Variants in MSI2 observed in about 807,000 individuals in gnomAD.
MSI2 encodes musashi RNA binding protein 2.
MSI2 carries 17 observed loss-of-function variants against 45.6 expected under a neutral mutation model. That is an observed-to-expected ratio of 0.37 (90% CI 0.26 to 0.56). The LOEUF is 0.56. MSI2 is among the 20% of genes least tolerant of loss of function. The probability of loss-of-function intolerance (pLI) is 0.77; values close to 1 mark genes in which losing one functional copy is unlikely to be tolerated. For synonymous variants in MSI2, 156 were observed against 158.2 expected (o/e 0.99, Z 0.11); for missense variants, 293 against 444.2 (o/e 0.66, Z 3.06).
Position 57,497,733 on chromosome 17 carries a change from G to A in MSI2, c.406-31943G>A, listed in dbSNP as rs116259292. The stretch of plus-strand genomic sequence containing the variant: ...TGAAACATGCTTTCTGAAGGAGCAA[G>A]CAGCTTGGGCTGTGCATGTAACAAG... On this transcript the variant is annotated intron_variant, in intron 6 of 13. Transcript: ENST00000284073. Among the ~76,000 whole-genome samples the A allele has an allele frequency of 3.6e-3, 542 of 152,338 alleles. 2 individuals are homozygous for A. Among genetic ancestry groups the A allele is most frequent in the African/African-American group, 0.012 (516 of 41,568 alleles).
chr17:57,448,263 A>T (rs1181132930), intron 6 of MSI2: 1 of 152,222 alleles, frequency 6.6e-6, no homozygotes, highest in Non-Finnish European at 1.5e-5. Context: ...TGCCTGCCTG[A>T]CATGTTTTTC....
At chr17:57,323,055 AGTGATGGGTACCGGGG>A (rs1913478083) in intron 5 of MSI2, among the ~76,000 whole-genome samples, 1 of 151,872 alleles carries the variant, frequency 6.6e-6, no homozygotes, top group Non-Finnish European at 1.5e-5. Context: ...AGTGACCCTG[AGTGATGGGTACCGGGG>A]GTTCATTCTC....
rs563584953 is a variant in MSI2, at chr17:57,507,787, A to G, written c.406-21889A>G. Among the ~76,000 whole-genome samples, 16 of 152,318 alleles carry G rather than the reference A, an allele frequency of 1.1e-4. No individual in the cohort carries two copies. The South Asian group carries it at 3.3e-3, about 32-fold the overall frequency. On this transcript the variant is annotated intron_variant, in intron 6 of 13. Transcript: ENST00000284073. ...TCCACTCCGGTGTATTTGTCTATCA[A>G]ACAACAAGACAGAGGGTGTATTTTT...
At chr17:57,442,129 C>G (rs934653769) in intron 6 of MSI2, among the ~76,000 whole-genome samples, 2 of 151,890 alleles carry the variant, frequency 1.3e-5, no homozygotes, top group African/African-American at 2.4e-5. Flanking sequence ...CTCCACCTCC[C>G]GGGTTCAAGC....
At chr17:57,272,774 G>C (rs1311009875) in intron 5 of MSI2, among the ~76,000 whole-genome samples, 1 of 152,158 alleles carries the variant, frequency 6.6e-6, no homozygotes, top group Non-Finnish European at 1.5e-5. Context: ...CCTCGCCATG[G>C]CATTAGAGTG....
intron 5 of MSI2, among the ~76,000 whole-genome samples, chr17:57,341,083 C>G (rs542296501): frequency 6.6e-6 from 1 of 152,264 alleles, no homozygotes; most frequent in Admixed American, 6.5e-5. Context: ...TGCACCTTTC[C>G]CTAGCCCTCT....
chr17:57,655,255 T>A (rs778501409), intron 11 of MSI2, among the ~76,000 whole-genome samples: 2 of 152,188 alleles, frequency 1.3e-5, no homozygotes, highest in Non-Finnish European at 2.9e-5. Context: ...ACCTGGTAGT[T>A]TGAAATGTCA....
At chr17:57,272,391 C>G (rs1279491456) in intron 5 of MSI2, among the ~76,000 whole-genome samples, 1 of 152,156 alleles carries the variant, frequency 6.6e-6, no homozygotes, top group South Asian at 2.1e-4. Flanking sequence ...TGTTGGAACA[C>G]CAAACCAAGA....
At chr17:57,274,685 A>G (rs997123319) in intron 5 of MSI2, among the ~76,000 whole-genome samples, 2 of 152,262 alleles carry the variant, frequency 1.3e-5, no homozygotes. Flanking sequence ...TTGTGCGTTT[A>G]TGCATATAAA....
At chr17:57,700,420 G>C in the MSI2 span, among the ~76,000 whole-genome samples, 3 of 152,206 alleles carry the variant, frequency 2.0e-5, no homozygotes, top group African/African-American at 4.8e-5. Context: ...ATCAGAACTT[G>C]ATATTGAAGA....
intron 5 of MSI2, among the ~76,000 whole-genome samples, chr17:57,355,416 C>A (rs912644971): frequency 6.6e-6 from 1 of 152,238 alleles, no homozygotes; most frequent in Non-Finnish European, 1.5e-5. Flanking sequence ...GGTAGGTTCC[C>A]TGAAGACAGG....
intron 6 of MSI2, among the ~76,000 whole-genome samples, chr17:57,445,816 C>T (rs1395011220): frequency 1.3e-5 from 2 of 152,152 alleles, no homozygotes; most frequent in African/African-American, 4.8e-5. Flanking sequence ...CTATGTGCTT[C>T]CTGGGCTTCC....
At chr17:57,421,571 C>A (rs1353621424) in intron 6 of MSI2, among the ~76,000 whole-genome samples, 1 of 151,944 alleles carries the variant, frequency 6.6e-6, no homozygotes, top group Non-Finnish European at 1.5e-5. Context: ...TCCTCAGGCA[C>A]AGTATACTTT....
intron 11 of MSI2, among the ~76,000 whole-genome samples, chr17:57,662,154 G>A (rs920105845): frequency 4.6e-5 from 7 of 152,090 alleles, no homozygotes; most frequent in Non-Finnish European, 7.3e-5. Flanking sequence ...TTTTTAAAAA[G>A]GTCTCCCTTC....
intron 10 of MSI2, among the ~76,000 whole-genome samples, chr17:57,642,459 A>G (rs1468761504): frequency 6.6e-6 from 1 of 152,218 alleles, no homozygotes; most frequent in Non-Finnish European, 1.5e-5. Flanking sequence ...TAGAGCAGAC[A>G]CAGCCAATGC....
chr17:57,486,486 T>C (rs1410981309), intron 6 of MSI2, among the ~76,000 whole-genome samples: 2 of 152,250 alleles, frequency 1.3e-5, no homozygotes, highest in African/African-American at 2.4e-5. Context: ...AAATAGTGTT[T>C]ATATAACCTC....
the MSI2 span, among the ~76,000 whole-genome samples, chr17:57,695,810 A>G: frequency 3.9e-5 from 6 of 152,322 alleles, no homozygotes; most frequent in Middle Eastern, 3.4e-3. Flanking sequence ...GTCCAAGATC[A>G]GGGCGCTGAC....
chr17:57,559,319 G>A lies in MSI2; in HGVS notation c.454+29595G>A, dbSNP rs150614946. Among the ~76,000 whole-genome samples the A allele has an allele frequency of 5.3e-5, 8 of 152,264 alleles. No individual in the cohort carries two copies. In the South Asian group the frequency reaches 1.0e-3, roughly 20 times the overall value. Reference sequence around the variant, plus strand: ...TGGGAGTAAAAAGAGGACAAGCCCCGATGTCCTGTTTATCAGCTCCCCCTC... The same window carrying A: ...TGGGAGTAAAAAGAGGACAAGCCCCAATGTCCTGTTTATCAGCTCCCCCTC... On this transcript the variant is annotated intron_variant, in intron 7 of 13. Coordinates refer to ENST00000284073, the MANE Select transcript of MSI2 (RefSeq NM_138962.4).
intron 4 of MSI2, among the ~76,000 whole-genome samples, chr17:57,258,691 G>C (rs931535582): frequency 2.6e-5 from 4 of 152,186 alleles, no homozygotes; most frequent in Admixed American, 6.5e-5. Context: ...AGCACAGCAC[G>C]CGTTACCAAC....
Sources: allele counts gnomAD v4.1 joint callset (sites outside exome capture counted in the v4.1 genomes callset), GRCh38; gene constraint gnomAD v4.1.1; transcripts MANE v1.5; gene names NCBI Gene and HGNC (gene_info 2026-07-23, HGNC 2026-07-21).